The following TPP2 variants were observed in gnomAD, a reference collection of about 807,000 sequenced individuals.
TPP2 encodes the protein tripeptidyl peptidase 2.
In TPP2, 34 loss-of-function variants were observed where a neutral mutation model predicts 155.9. The observed-to-expected ratio is 0.22, with a 90% CI of 0.17 to 0.29. The LOEUF (loss-of-function observed/expected upper bound fraction) is 0.29, where lower values mean the gene tolerates loss of function less well. Among genes scored for constraint, TPP2 ranks in the 10% least tolerant of loss-of-function variants. The pLI is 1.00. For missense variants in TPP2, 1,028 were observed against 1,522.3 expected, an observed-to-expected ratio of 0.68 and a Z score of 5.40; for synonymous variants, 510 against 529.4, an observed-to-expected ratio of 0.96 and a Z score of 0.50.
chr13:102,620,558 A>G (rs1019664104), intron 5 of TPP2, among the ~76,000 whole-genome samples: 3 of 152,186 alleles, frequency 2.0e-5, no homozygotes, highest in African/African-American at 7.2e-5. Flanking sequence ...AAAAATGCCA[A>G]CCATTTCTGA....
intron 25 of TPP2, among the ~76,000 whole-genome samples, chr13:102,661,291 C>T (rs925423790): frequency 6.9e-6 from 1 of 144,148 alleles, no homozygotes; most frequent in South Asian, 2.2e-4. Context: ...CTCTCTGTCA[C>T]CCAGGCTGGA....
Position 102,657,075 on chromosome 13 carries a change from A to G in TPP2, c.3011A>G (p.Tyr1004Cys). 6.3e-7 allele frequency: 1 copy of G among 1,591,486 alleles called. No individual in the cohort carries two copies. ...TCGTAGGATGTAATCCCTGTTCATTACTACTTAATACCTCCACCAACAAAG... is the reference window on the plus strand; with the variant it reads ...TCGTAGGATGTAATCCCTGTTCATTGCTACTTAATACCTCCACCAACAAAG... ...KFKKDVIPVHYYLIPPPTKTK... is the reference protein window; with the variant it reads ...KFKKDVIPVHCYLIPPPTKTK... Residue 1004 changes from tyrosine to cysteine, a missense_variant, in exon 25 of 30, where the codon TAC (tyrosine) becomes TGC (cysteine). Physicochemically the swap from Tyr to Cys is radical, Grantham distance 194 (BLOSUM62 -2). Around this residue, in one of 7 missense-constraint regions of TPP2, gnomAD observed 179 missense variants for 274.7 expected, o/e 0.65. Transcript: ENST00000376052.
intron 28 of TPP2, 97 bp downstream of exon 28, chr13:102,674,587 G>A: frequency 8.2e-7 from 1 of 1,222,826 alleles, no homozygotes; most frequent in South Asian, 1.4e-5. Flanking sequence ...GAAGATAAAT[G>A]GAAAGAATCT....
Position 102,678,698 on chromosome 13 carries a change from A to AT in TPP2, c.*389dup, listed in dbSNP as rs555489935. 23 of 154,556 alleles carry AT rather than the reference A, an allele frequency of 1.5e-4. No homozygotes were observed. In the East Asian group the frequency reaches 4.0e-3, roughly 27 times the overall value. 9.6% of individuals were successfully genotyped at this position (154,556 alleles called of 1,614,324 possible). ...CAGGGTTTTAACGTGCTCAACTTTA[A>AT]TTTTTTTCAATTGTATGAAGGCCTT... is the stretch of plus-strand genomic sequence containing the variant. On this transcript the variant is annotated 3_prime_UTR_variant, in exon 30 of 30. Transcript: ENST00000376052.
At chr13:102,638,417 A>G in intron 15 of TPP2, 102 bp downstream of exon 15, 1 of 1,269,328 alleles carries the variant, frequency 7.9e-7, no homozygotes. Flanking sequence ...AGAACCAGGT[A>G]ATGGGGATTT....
chr13:102,626,035 G>A (rs1165967292), intron 6 of TPP2, among the ~76,000 whole-genome samples: 1 of 152,154 alleles, frequency 6.6e-6, no homozygotes, highest in Non-Finnish European at 1.5e-5. Flanking sequence ...TTACCACAAA[G>A]TGGACACTTC....
chr13:102,661,884 A>G (rs139303760), intron 25 of TPP2, among the ~76,000 whole-genome samples: 107 of 152,324 alleles, frequency 7.0e-4, no homozygotes, highest in African/African-American at 2.5e-3. Flanking sequence ...TCAAATGATT[A>G]AACTTAGTTT....
At chr13:102,662,128 T>C (rs1248146429) in intron 25 of TPP2, among the ~76,000 whole-genome samples, 1 of 152,024 alleles carries the variant, frequency 6.6e-6, no homozygotes, top group Non-Finnish European at 1.5e-5. Flanking sequence ...ACCTTGAAAA[T>C]AGTATGTTAA....
intron 4 of TPP2, among the ~76,000 whole-genome samples, chr13:102,617,244 C>A (rs1388250313): frequency 1.3e-5 from 2 of 152,076 alleles, no homozygotes; most frequent in African/African-American, 4.8e-5. Flanking sequence ...GTATTATTGT[C>A]ACTTTTAAAA....
In TPP2 at chr13:102,679,908, C is replaced by T. The variant is rs924198498; in HGVS notation, c.*1592C>T. The T allele has an allele frequency of 2.0e-5, 3 of 152,182 alleles. No individual in the cohort carries two copies. The highest frequency in any genetic ancestry group is 7.2e-5 in the African/African-American group (3 of 41,436). 9.4% of individuals were successfully genotyped at this position (152,182 alleles called of 1,614,324 possible). On this transcript the variant is annotated 3_prime_UTR_variant, in exon 30 of 30. Coordinates refer to ENST00000376052, the MANE Select transcript of TPP2 (RefSeq NM_001330588.2). ...GAATCAGTAACGTTTGGCCCTTTAA[C>T]CCAAACTGGACTGCTGCCTGTTTTT...
At chr13:102,619,458 G>A (rs1880996351) in intron 5 of TPP2, among the ~76,000 whole-genome samples, 1 of 149,460 alleles carries the variant, frequency 6.7e-6, no homozygotes, top group African/African-American at 2.5e-5. Flanking sequence ...CAAACAAACA[G>A]GGACTATTTC....
intron 22 of TPP2, 29 bp downstream of exon 22, chr13:102,649,180 G>A: frequency 1.9e-6 from 3 of 1,577,402 alleles, no homozygotes; most frequent in Non-Finnish European, 2.6e-6. Flanking sequence ...TATACTTACT[G>A]CCCATCGTAT....
Position 102,629,685 on chromosome 13 carries a change from G to T in TPP2, c.1144+76G>T. 5 of 1,497,318 alleles carry T rather than the reference G, an allele frequency of 3.3e-6. No homozygotes were observed. In the South Asian group the frequency reaches 7.1e-5, roughly 21 times the overall value. 92.8% of individuals were successfully genotyped at this position (1,497,318 alleles called of 1,614,324 possible). A position where few individuals can be genotyped will look rare whatever the true frequency, so the allele number is the denominator to read the frequency against. ...AACAATAGTTAATGAAATGTTACCT[G>T]TATCTCTGCTACACGTAAGACACTG... On this transcript the variant is annotated intron_variant, in intron 9 of 29. Transcript: ENST00000376052.
chr13:102,603,295 A>G (rs1454502895), intron 1 of TPP2, among the ~76,000 whole-genome samples: 2 of 152,210 alleles, frequency 1.3e-5, no homozygotes, highest in African/African-American at 4.8e-5. Context: ...GGAGCTTTCT[A>G]TTCTAATAGG....
chr13:102,632,321 T>C (rs548929677), intron 10 of TPP2, among the ~76,000 whole-genome samples: 1 of 151,876 alleles, frequency 6.6e-6, no homozygotes, highest in Non-Finnish European at 1.5e-5. Context: ...CTCGGCTCAC[T>C]ACAACCTCCA....
intron 24 of TPP2, among the ~76,000 whole-genome samples, chr13:102,653,964 C>CT (rs1202847487): frequency 6.6e-6 from 1 of 152,108 alleles, no homozygotes; most frequent in Non-Finnish European, 1.5e-5. Context: ...GCTGGAATGC[C>CT]TTTTTTCTAA....
intron 2 of TPP2, among the ~76,000 whole-genome samples, chr13:102,612,171 A>G (rs1227181904): frequency 2.0e-5 from 3 of 152,246 alleles, no homozygotes; most frequent in African/African-American, 7.2e-5. Flanking sequence ...GGCCAGATTC[A>G]GCATGGTACT....
chr13:102,606,295 G>T (rs1879821074), intron 2 of TPP2, among the ~76,000 whole-genome samples: 2 of 152,152 alleles, frequency 1.3e-5, no homozygotes, highest in Admixed American at 6.5e-5. Flanking sequence ...TTGGCTTTCT[G>T]TGCCGTGTAA....
chr13:102,645,017 T>C lies in TPP2; in HGVS notation c.2393+8T>C. On this transcript the variant is annotated splice_region_variant and intron_variant, in intron 19 of 29. Coordinates refer to ENST00000376052, the MANE Select transcript of TPP2 (RefSeq NM_001330588.2). ...CTGGGTCCAAACACTGCGGTATCATTCAATGTTTTAGGAACTACAGATATT... is the reference window on the plus strand; with the variant it reads ...CTGGGTCCAAACACTGCGGTATCATCCAATGTTTTAGGAACTACAGATATT... 6.2e-7 allele frequency: 1 copy of C among 1,612,034 alleles called. No individual in the cohort carries two copies. The highest frequency in any genetic ancestry group is 1.7e-5 in the Admixed American group (1 of 59,884).
Sources: allele counts gnomAD v4.1 joint callset (sites outside exome capture counted in the v4.1 genomes callset), GRCh38; gene constraint gnomAD v4.1.1; regional missense constraint gnomAD v4.1.1; transcripts MANE v1.5; gene names NCBI Gene and HGNC (gene_info 2026-07-23, HGNC 2026-07-21).